PTK7: variants seen among roughly 807,000 people sequenced by gnomAD.
The protein encoded by PTK7 is inactive tyrosine-protein kinase 7.
PTK7 carries 39 observed loss-of-function variants against 116.6 expected under a neutral mutation model. The ratio of observed to expected loss-of-function variants is 0.33; its 90% CI spans 0.26 to 0.44. PTK7 has a LOEUF of 0.44. PTK7 is among the 20% of genes least tolerant of loss of function. PTK7 has a pLI of 1.00. For missense variants in PTK7, 1,169 were observed against 1,425.6 expected (o/e 0.82, Z 2.90); for synonymous variants, 546 against 563.6 (o/e 0.97, Z 0.44).
intron 7 of PTK7, 29 bp from the exon 8 acceptor site, chr6:43,138,820 C>T: frequency 6.3e-7 from 1 of 1,584,700 alleles, no homozygotes; most frequent in Non-Finnish European, 8.6e-7. Flanking sequence ...TGTGAAGCAG[C>T]CTTCACTGTT....
At position 43,161,666 on chromosome 6, in the gene PTK7, T is replaced by C; in HGVS notation, c.*785T>C. On this transcript the variant is annotated 3_prime_UTR_variant, in exon 20 of 20. Coordinates refer to ENST00000230419, the MANE Select transcript of PTK7 (RefSeq NM_002821.5). ...TTTGTTTGTTTTGTTTTTTTGTTTT[T>C]GTTTTTGTTTTTACACTCGCTGCTC... 6.6e-6 allele frequency: 1 copy of C among 152,222 alleles called. No homozygotes were observed. Among genetic ancestry groups the C allele is most frequent in the African/African-American group, 2.4e-5 (1 of 41,452 alleles). 9.4% of individuals were successfully genotyped at this position (152,222 alleles called of 1,614,324 possible). A position where few individuals can be genotyped will look rare whatever the true frequency, so the allele number is the denominator to read the frequency against.
chr6:43,090,032 G>C (rs1766861685), intron 1 of PTK7, among the ~76,000 whole-genome samples: 1 of 152,198 alleles, frequency 6.6e-6, no homozygotes, highest in South Asian at 2.1e-4. Context: ...CATGGCTTGA[G>C]AGATCCTGCG....
chr6:43,085,488 C>A (rs1335343760), intron 1 of PTK7, among the ~76,000 whole-genome samples: 2 of 151,722 alleles, frequency 1.3e-5, no homozygotes, highest in Non-Finnish European at 2.9e-5. Flanking sequence ...ACCTCGTGAT[C>A]CACCTGCCTC....
chr6:43,139,010 T>C lies in PTK7; in HGVS notation c.1362+28T>C. 1.2e-6 allele frequency: 2 copies of C among 1,610,560 alleles called. No individual in the cohort carries two copies. The highest frequency in any genetic ancestry group is 1.7e-6 in the Non-Finnish European group (2 of 1,177,570). On this transcript the variant is annotated intron_variant, in intron 8 of 19. Coordinates refer to ENST00000230419, the MANE Select transcript of PTK7 (RefSeq NM_002821.5). This position sits in a 1 kb window ranked among gnomAD's most constrained non-coding sequence, Gnocchi z 4.6. ...GAGAAAGAAGAGTGTTGCTAGTGGATGGGCGGGGCCTTCCCTCCACTTGCC... is the reference window on the plus strand; with the variant it reads ...GAGAAAGAAGAGTGTTGCTAGTGGACGGGCGGGGCCTTCCCTCCACTTGCC...
chr6:43,101,225 A>AAAGAAAGAAAG, intron 1 of PTK7, among the ~76,000 whole-genome samples: 1 of 146,354 alleles, frequency 6.8e-6, no homozygotes, highest in East Asian at 2.1e-4. Context: ...CAAAAAAAAA[A>AAAGAAAGAAAG]AAAGAAAGAA....
At chr6:43,117,651 T>G (rs913135671) in intron 1 of PTK7, among the ~76,000 whole-genome samples, 3 of 152,070 alleles carry the variant, frequency 2.0e-5, no homozygotes, top group Admixed American at 6.6e-5. Flanking sequence ...GGCGCGGTGG[T>G]TCACGCCAGT....
intron 1 of PTK7, among the ~76,000 whole-genome samples, chr6:43,124,960 G>A (rs1025413041): frequency 6.6e-6 from 1 of 152,110 alleles, no homozygotes; most frequent in East Asian, 1.9e-4. Flanking sequence ...ATCACCTGAG[G>A]TTGGGAGTTC....
chr6:43,115,739 C>T (rs539224700), intron 1 of PTK7, among the ~76,000 whole-genome samples: 1 of 151,956 alleles, frequency 6.6e-6, no homozygotes, highest in South Asian at 2.1e-4. Context: ...AGTTCAAGAC[C>T]AGCCATGACC....
At chr6:43,081,232 C>T (rs1206177379) in intron 1 of PTK7, among the ~76,000 whole-genome samples, 3 of 152,208 alleles carry the variant, frequency 2.0e-5, no homozygotes, top group African/African-American at 7.2e-5. Context: ...TCCTATCTCT[C>T]CTGCCAGAAG....
chr6:43,155,842 T>A (rs1771394218), intron 17 of PTK7, among the ~76,000 whole-genome samples: 1 of 152,206 alleles, frequency 6.6e-6, no homozygotes, highest in Admixed American at 6.5e-5. Flanking sequence ...TTAGGTATCT[T>A]AGAGAAACTC....
At chr6:43,103,522 C>A (rs934565059) in intron 1 of PTK7, among the ~76,000 whole-genome samples, 1 of 151,842 alleles carries the variant, frequency 6.6e-6, no homozygotes, top group Non-Finnish European at 1.5e-5. Context: ...TGGAGCAGAC[C>A]CCCCACTCCC....
intron 1 of PTK7, among the ~76,000 whole-genome samples, chr6:43,125,421 C>T (rs1200618438): frequency 6.6e-6 from 1 of 152,130 alleles, no homozygotes; most frequent in South Asian, 2.1e-4. Flanking sequence ...TGGGGGTGGC[C>T]GAGGCTGAGC....
rs1771826367 is a variant in PTK7, at chr6:43,161,195, A to C, written c.*314A>C. On this transcript the variant is annotated 3_prime_UTR_variant, in exon 20 of 20. Coordinates refer to ENST00000230419, the MANE Select transcript of PTK7 (RefSeq NM_002821.5). ...TTCTGGCCTTCAACTTCTCCCCTTG[A>C]CCGGGTCCAACTCTGCCACTCATCT... is the stretch of plus-strand genomic sequence containing the variant. The C allele has an allele frequency of 3.6e-6, 1 of 278,110 alleles. No individual in the cohort carries two copies. Among genetic ancestry groups the C allele is most frequent in the Admixed American group, 4.6e-5 (1 of 21,660 alleles). The allele number at this position is 278,110 out of a possible 1,614,324, so 17.2% of individuals were successfully genotyped here.
intron 1 of PTK7, among the ~76,000 whole-genome samples, chr6:43,085,583 A>G (rs753715531): frequency 6.6e-6 from 1 of 151,722 alleles, no homozygotes; most frequent in African/African-American, 2.4e-5. Flanking sequence ...TTCGGACCCT[A>G]GAATGGTTTG....
chr6:43,113,216 G>C (rs1768287259), intron 1 of PTK7, among the ~76,000 whole-genome samples: 1 of 152,078 alleles, frequency 6.6e-6, no homozygotes, highest in South Asian at 2.1e-4. Context: ...TGGATCGTTT[G>C]AGGCCAGGAG....
intron 19 of PTK7, 47 bp from the exon 20 acceptor site, chr6:43,160,674 G>T: frequency 6.2e-6 from 10 of 1,603,230 alleles, no homozygotes; most frequent in Non-Finnish European, 7.7e-6. Flanking sequence ...TGTTGAACAA[G>T]TTGTTGAATG....
intron 7 of PTK7, among the ~76,000 whole-genome samples, chr6:43,135,451 A>G (rs951780638): frequency 2.0e-5 from 3 of 152,224 alleles, no homozygotes; most frequent in Non-Finnish European, 4.4e-5. Flanking sequence ...AAATGAACAA[A>G]TATAATTTTA....
chr6:43,121,032 C>T (rs1768925402), intron 1 of PTK7, among the ~76,000 whole-genome samples: 1 of 151,322 alleles, frequency 6.6e-6, no homozygotes, highest in South Asian at 2.1e-4. Flanking sequence ...CTGGGGAGCA[C>T]CTTACGTCAT....
chr6:43,151,299 C>T (rs1196229940), intron 17 of PTK7, among the ~76,000 whole-genome samples: 27 of 150,016 alleles, frequency 1.8e-4, no homozygotes, highest in Admixed American at 1.4e-3. Context: ...GCAAGCTCCG[C>T]CTCCCGGGTT....
Sources: allele counts gnomAD v4.1 joint callset (sites outside exome capture counted in the v4.1 genomes callset), GRCh38; gene constraint gnomAD v4.1.1; non-coding constraint Gnocchi (gnomAD v3.1); transcripts MANE v1.5; gene names NCBI Gene and HGNC (gene_info 2026-07-23, HGNC 2026-07-21).